The following APBA2 variants were observed in gnomAD, a reference collection of about 807,000 sequenced individuals.
The protein encoded by APBA2 is amyloid-beta A4 precursor protein-binding family A member 2.
In APBA2, 30 loss-of-function variants were observed where a neutral mutation model predicts 75.0. The observed-to-expected ratio is 0.40, with a 90% CI of 0.30 to 0.54. The LOEUF is 0.54. APBA2 is among the 20% of genes least tolerant of loss of function. APBA2 has a pLI of 0.49. For missense variants in APBA2, 801 were observed against 1,016.1 expected (o/e 0.79, Z 2.88); for synonymous variants, 444 against 409.6 (o/e 1.08, Z -1.01).
chr15:28,969,220 C>G (rs899932380), intron 2 of APBA2, among the ~76,000 whole-genome samples: 6 of 146,136 alleles, frequency 4.1e-5, no homozygotes, highest in African/African-American at 1.5e-4. Context: ...CTCTCTCTGC[C>G]GGCCAGGCTG....
At chr15:28,898,792 A>G (rs1192982309) in intron 1 of APBA2, among the ~76,000 whole-genome samples, 1 of 152,236 alleles carries the variant, frequency 6.6e-6, no homozygotes, top group Non-Finnish European at 1.5e-5. Flanking sequence ...CTAGAACAAT[A>G]CTATCAAAAT....
chr15:28,931,902 C>G (rs1403950157), intron 2 of APBA2, among the ~76,000 whole-genome samples: 1 of 152,194 alleles, frequency 6.6e-6, no homozygotes, highest in African/African-American at 2.4e-5. Context: ...CACAGACGTT[C>G]AAGTGGAGAA....
intron 13 of APBA2, among the ~76,000 whole-genome samples, chr15:29,111,217 G>A (rs1185136034): frequency 6.6e-6 from 1 of 152,012 alleles, no homozygotes; most frequent in Non-Finnish European, 1.5e-5. Flanking sequence ...CCAAGCGTCT[G>A]TGAAACTTGG....
At chr15:28,924,422 C>T (rs1161034759) in intron 2 of APBA2, among the ~76,000 whole-genome samples, 2 of 152,194 alleles carry the variant, frequency 1.3e-5, no homozygotes, top group Non-Finnish European at 1.5e-5. Flanking sequence ...ACTCCCCAGC[C>T]TCCCTACCCC....
chr15:28,941,043 A>G (rs886895385), intron 2 of APBA2, among the ~76,000 whole-genome samples: 1 of 152,238 alleles, frequency 6.6e-6, no homozygotes, highest in African/African-American at 2.4e-5. Context: ...TTTTTTTAAC[A>G]ATACTCAGGA....
At chr15:29,106,880 C>T (rs1382568081) in intron 12 of APBA2, 61 bp downstream of exon 12, 5 of 1,508,632 alleles carry the variant, frequency 3.3e-6, no homozygotes, top group Non-Finnish European at 2.7e-6. Flanking sequence ...TTCATCCCCA[C>T]TTTGCTGCAA....
chr15:29,082,248 C>G (rs2043114809), intron 6 of APBA2, among the ~76,000 whole-genome samples: 1 of 152,098 alleles, frequency 6.6e-6, no homozygotes, highest in Non-Finnish European at 1.5e-5. Flanking sequence ...GTATAACTGA[C>G]AAATAAAAGT....
intron 13 of APBA2, among the ~76,000 whole-genome samples, chr15:29,110,489 G>A (rs1050999053): frequency 1.6e-4 from 25 of 152,236 alleles, no homozygotes; most frequent in Non-Finnish European, 3.1e-4. Context: ...AGCCCTGCAG[G>A]AGAGGCTGGC....
intron 4 of APBA2, among the ~76,000 whole-genome samples, chr15:29,068,571 C>G (rs149009320): frequency 9.3e-4 from 142 of 152,326 alleles, no homozygotes; most frequent in African/African-American, 3.2e-3. Context: ...GAGCTCCCAC[C>G]TTCCCCACAA....
chr15:29,084,066 A>G (rs1353453309), intron 6 of APBA2, among the ~76,000 whole-genome samples: 2 of 152,154 alleles, frequency 1.3e-5, no homozygotes, highest in Non-Finnish European at 2.9e-5. Context: ...GCTGACTTTC[A>G]TTATTTTTCA....
chr15:29,017,518 C>T (rs1311042533), intron 3 of APBA2, among the ~76,000 whole-genome samples: 1 of 151,358 alleles, frequency 6.6e-6, no homozygotes, highest in East Asian at 1.9e-4. Flanking sequence ...TACAGGAGCC[C>T]GCCACTGCGC....
At chr15:29,078,262 C>T (rs1435983813) in intron 6 of APBA2, among the ~76,000 whole-genome samples, 1 of 151,542 alleles carries the variant, frequency 6.6e-6, no homozygotes, top group Non-Finnish European at 1.5e-5. Context: ...CCAGTATACG[C>T]CAGCCTGGCA....
chr15:29,113,043 C>T (rs920203557), intron 13 of APBA2, among the ~76,000 whole-genome samples: 1 of 152,212 alleles, frequency 6.6e-6, no homozygotes, highest in African/African-American at 2.4e-5. Flanking sequence ...CCCTCCTCTC[C>T]AGGGCTGAGT....
intron 6 of APBA2, among the ~76,000 whole-genome samples, chr15:29,078,482 G>A (rs2042944693): frequency 6.7e-6 from 1 of 150,306 alleles, no homozygotes; most frequent in Non-Finnish European, 1.5e-5. Context: ...ATGGTGGCGT[G>A]TGCCTGTAGT....
At chr15:29,105,874 G>A (rs2279489) in intron 11 of APBA2, among the ~76,000 whole-genome samples, 22,671 of 152,274 alleles carry the variant, frequency 0.15, 1,734 homozygotes, top group East Asian at 0.25. Context: ...TCTCTAAAGG[G>A]AGCCTGGGGG....
intron 2 of APBA2, chr15:28,970,358 TTTATAATATA>T (rs2036998750): frequency 6.7e-6 from 1 of 149,422 alleles, no homozygotes; most frequent in African/African-American, 2.4e-5. Context: ...TATATAATAA[TTTATAATATA>T]TTATAATTAT....
intron 14 of APBA2, among the ~76,000 whole-genome samples, chr15:29,114,896 TG>T (rs2044988232): frequency 2.7e-5 from 4 of 146,548 alleles, no homozygotes; most frequent in Non-Finnish European, 4.4e-5. Context: ...GCTGTGGGTG[TG>T]TGTGAGCATG....
intron 1 of APBA2, 82 bp downstream of exon 1, chr15:28,886,360 G>GT (rs1334183121): frequency 6.6e-6 from 1 of 151,580 alleles, no homozygotes. Context: ...ACCCGGACGC[G>GT]TGGGGGGCGG....
At chr15:28,897,491 G>A (rs1395972991) in intron 1 of APBA2, among the ~76,000 whole-genome samples, 4 of 151,764 alleles carry the variant, frequency 2.6e-5, no homozygotes, top group South Asian at 4.2e-4. Flanking sequence ...GGTGGCGGGC[G>A]CCTATAACCC....
Sources: allele counts gnomAD v4.1 joint callset (sites outside exome capture counted in the v4.1 genomes callset), GRCh38; gene constraint gnomAD v4.1.1; transcripts MANE v1.5; gene names NCBI Gene and HGNC (gene_info 2026-07-23, HGNC 2026-07-21).